Variants in RAB3C observed in about 807,000 individuals in gnomAD.
RAB3C encodes the protein RAB3C, member RAS oncogene family, also known as ras-related protein Rab-3C.
Under a neutral mutation model 26.4 loss-of-function variants are expected in RAB3C, and 17 were observed. That is an observed-to-expected ratio of 0.64 (90% confidence interval 0.44 to 0.97). The LOEUF (loss-of-function observed/expected upper bound fraction) is 0.97. RAB3C is among the 50% of genes least tolerant of loss of function. RAB3C has a pLI of 0.00. For synonymous variants in RAB3C, 91 were observed against 95.9 expected (o/e 0.95, Z 0.30); for missense variants, 242 against 281.9 (o/e 0.86, Z 1.01).
chr5:58,675,431 G>A (rs1240324655), intron 2 of RAB3C, among the ~76,000 whole-genome samples: 1 of 151,916 alleles, frequency 6.6e-6, no homozygotes, highest in Non-Finnish European at 1.5e-5. Context: ...TGTAATTTAA[G>A]TTTTCTGTTT....
chr5:58,710,526 G>A (rs1262855735), intron 2 of RAB3C, among the ~76,000 whole-genome samples: 3 of 151,782 alleles, frequency 2.0e-5, no homozygotes, highest in African/African-American at 4.8e-5. Context: ...CTGAGTCTGG[G>A]AGGCGGAGGT....
chr5:58,648,912 A>G (rs561782605), intron 2 of RAB3C, among the ~76,000 whole-genome samples: 1 of 152,054 alleles, frequency 6.6e-6, no homozygotes. Context: ...TGGCTATCTC[A>G]AGGCTTCATC....
intron 3 of RAB3C, among the ~76,000 whole-genome samples, chr5:58,770,264 A>G (rs1351347047): frequency 6.6e-6 from 1 of 152,178 alleles, no homozygotes; most frequent in East Asian, 1.9e-4. Context: ...AAAAGGAGTT[A>G]CTATCTATAA....
At chr5:58,697,864 G>A (rs1748751839) in intron 2 of RAB3C, among the ~76,000 whole-genome samples, 1 of 152,100 alleles carries the variant, frequency 6.6e-6, no homozygotes, top group Non-Finnish European at 1.5e-5. Context: ...GATGGGTCTT[G>A]ACTCTATACA....
rs534033576 is a variant in RAB3C, at chr5:58,650,471, A to G, written c.252+32601A>G. On this transcript the variant is annotated intron_variant, in intron 2 of 4. Transcript: ENST00000282878. The stretch of plus-strand genomic sequence containing the variant: ...TCTGGTTTTTGAATGATGAATGACA[A>G]ATAATAATGAATGAATTTGCAAGTA... Among the ~76,000 whole-genome samples the G allele has an allele frequency of 3.3e-5, 5 of 152,356 alleles. No individual in the cohort carries two copies. In the South Asian group the frequency reaches 1.0e-3, roughly 32 times the overall value.
chr5:58,784,551 T>A (rs1013074718), intron 3 of RAB3C, among the ~76,000 whole-genome samples: 4 of 152,120 alleles, frequency 2.6e-5, no homozygotes, highest in Admixed American at 2.6e-4. Context: ...ATCACTCGGT[T>A]TACATGTATT....
At chr5:58,642,147 G>C (rs564787956) in intron 2 of RAB3C, among the ~76,000 whole-genome samples, 73 of 152,318 alleles carry the variant, frequency 4.8e-4, no homozygotes, top group South Asian at 3.3e-3. Flanking sequence ...TGCATTTGCT[G>C]TCAGCCTAAT....
chr5:58,613,508 T>G (rs747056306), intron 1 of RAB3C, among the ~76,000 whole-genome samples: 1 of 152,112 alleles, frequency 6.6e-6, no homozygotes, highest in Non-Finnish European at 1.5e-5. Flanking sequence ...GAAGGGATTG[T>G]CAGATCACAA....
chr5:58,696,422 A>C (rs184492601), intron 2 of RAB3C, among the ~76,000 whole-genome samples: 1 of 152,250 alleles, frequency 6.6e-6, no homozygotes, highest in Admixed American at 6.5e-5. Flanking sequence ...TGGTATCAGG[A>C]TGATGTTGGT....
At chr5:58,760,258 A>C (rs1013458904) in intron 3 of RAB3C, among the ~76,000 whole-genome samples, 1 of 152,132 alleles carries the variant, frequency 6.6e-6, no homozygotes, top group Non-Finnish European at 1.5e-5. Flanking sequence ...CTTGTTGTCT[A>C]CCATGACCAT....
chr5:58,713,661 A>G (rs1476213148), intron 2 of RAB3C, among the ~76,000 whole-genome samples: 2 of 152,242 alleles, frequency 1.3e-5, no homozygotes, highest in Non-Finnish European at 2.9e-5. Context: ...GACAATGGTA[A>G]TATAACAAGA....
intron 3 of RAB3C, among the ~76,000 whole-genome samples, chr5:58,766,666 G>T (rs1279682016): frequency 1.3e-5 from 2 of 152,170 alleles, no homozygotes; most frequent in Non-Finnish European, 2.9e-5. Flanking sequence ...TGTTAGTGAA[G>T]CTCAGGTGTG....
chr5:58,829,473 A>C (rs1376709428), intron 4 of RAB3C, among the ~76,000 whole-genome samples: 2 of 152,196 alleles, frequency 1.3e-5, no homozygotes, highest in East Asian at 3.9e-4. Flanking sequence ...CCTTGAAACC[A>C]CAGGTGAAAG....
At chr5:58,747,301 T>C (rs981147349) in intron 3 of RAB3C, among the ~76,000 whole-genome samples, 5 of 152,336 alleles carry the variant, frequency 3.3e-5, no homozygotes, top group East Asian at 3.9e-4. Context: ...AAATTTTTGG[T>C]ATAAGTTTCC....
At chr5:58,835,466 T>G (rs940420964) in intron 4 of RAB3C, among the ~76,000 whole-genome samples, 2 of 152,208 alleles carry the variant, frequency 1.3e-5, no homozygotes, top group African/African-American at 4.8e-5. Flanking sequence ...CTGTTACTTG[T>G]GGATCAAAGC....
At chr5:58,653,325 T>C (rs1227807120) in intron 2 of RAB3C, among the ~76,000 whole-genome samples, 1 of 152,086 alleles carries the variant, frequency 6.6e-6, no homozygotes, top group Non-Finnish European at 1.5e-5. Context: ...TGTGGAAAAA[T>C]AGGAATGCTT....
intron 1 of RAB3C, among the ~76,000 whole-genome samples, chr5:58,605,388 G>C (rs182402215): frequency 6.6e-6 from 1 of 152,106 alleles, no homozygotes; most frequent in Non-Finnish European, 1.5e-5. Context: ...GATGATTTTG[G>C]TTCTGCATGT....
In RAB3C at chr5:58,583,240, C is replaced by T. The variant is rs774777180; in HGVS notation, c.24+8C>T. 1.9e-6 allele frequency: 3 copies of T among 1,614,170 alleles called. No individual in the cohort carries two copies. The highest frequency in any genetic ancestry group is 2.5e-6 in the Non-Finnish European group (3 of 1,180,022). On this transcript the variant is annotated splice_region_variant and intron_variant, in intron 1 of 4. Transcript: ENST00000282878. Reference sequence around the variant, plus strand: ...CACGAAGCGCCCATGCAGGTGGGTCCATAAAGAAAGAGTGGCCTCGGGAGG... The same window carrying T: ...CACGAAGCGCCCATGCAGGTGGGTCTATAAAGAAAGAGTGGCCTCGGGAGG...
chr5:58,629,156 G>T (rs158973), intron 2 of RAB3C, among the ~76,000 whole-genome samples: 2 of 151,574 alleles, frequency 1.3e-5, no homozygotes, highest in Non-Finnish European at 2.9e-5. Flanking sequence ...AATCTGGCAG[G>T]TGGTAGATTT....
Sources: gnomAD v4.1 joint callset for allele counts (sites outside exome capture counted in the v4.1 genomes callset) on GRCh38, gnomAD v4.1.1 for gene constraint, MANE v1.5 for transcripts, NCBI Gene and HGNC (gene_info 2026-07-23, HGNC 2026-07-21) for gene names.